XPO4: variants seen among roughly 807,000 people sequenced by gnomAD.
XPO4 encodes the protein exportin 4.
XPO4 carries 39 observed loss-of-function variants against 143.0 expected under a neutral mutation model. The observed-to-expected ratio is 0.27, with a 90% CI of 0.21 to 0.36. The LOEUF (loss-of-function observed/expected upper bound fraction) is 0.36, where lower values mean the gene tolerates loss of function less well. Ranked by LOEUF, XPO4 falls within the 10% of genes least tolerant of loss-of-function variation. XPO4 has a pLI of 1.00. For synonymous variants in XPO4, 439 were observed against 474.0 expected, an observed-to-expected ratio of 0.93 and a Z score of 0.96; for missense variants, 907 against 1,348.0, an observed-to-expected ratio of 0.67 and a Z score of 5.12.
In XPO4 at chr13:20,779,916, C is replaced by T. The variant is rs1244165906; in HGVS notation, c.*3806G>A. Reference sequence around the variant, plus strand: ...AGCTCAGCAATATGCCTAATTTGGACATTTTAATTTTAGAAAACCAATTTT... The same window carrying T: ...AGCTCAGCAATATGCCTAATTTGGATATTTTAATTTTAGAAAACCAATTTT... On this transcript the variant is annotated 3_prime_UTR_variant, in exon 23 of 23. Coordinates refer to ENST00000255305, the MANE Select transcript of XPO4 (RefSeq NM_022459.5). 2 of 152,526 alleles carry T rather than the reference C, an allele frequency of 1.3e-5. No individual in the cohort carries two copies. The highest frequency in any genetic ancestry group is 4.8e-5 in the African/African-American group (2 of 41,438). 9.4% of individuals were successfully genotyped at this position (152,526 alleles called of 1,614,324 possible).
At chr13:20,830,860 A>G (rs895193263) in intron 6 of XPO4, among the ~76,000 whole-genome samples, 1 of 152,128 alleles carries the variant, frequency 6.6e-6, no homozygotes, top group African/African-American at 2.4e-5. Context: ...GTTTAATATT[A>G]CCTAAAATAT....
intron 1 of XPO4, among the ~76,000 whole-genome samples, chr13:20,876,425 A>G (rs2060354384): frequency 6.6e-6 from 1 of 151,152 alleles, no homozygotes; most frequent in South Asian, 2.1e-4. Flanking sequence ...TGACAAATCA[A>G]TGAGAAAAAA....
At chr13:20,806,654 G>C (rs2059510668) in intron 13 of XPO4, among the ~76,000 whole-genome samples, 1 of 138,980 alleles carries the variant, frequency 7.2e-6, no homozygotes, top group African/African-American at 2.7e-5. Flanking sequence ...CTGGGTTCAA[G>C]CGATTCTCCT....
At chr13:20,890,906 G>A (rs2060508358) in intron 1 of XPO4, among the ~76,000 whole-genome samples, 1 of 151,222 alleles carries the variant, frequency 6.6e-6, no homozygotes, top group Admixed American at 6.6e-5. Context: ...TCAGGAGTTT[G>A]AGACCAGCCT....
chr13:20,790,362 A>G (rs2059265094), intron 19 of XPO4, 100 bp downstream of exon 19: 1 of 939,932 alleles, frequency 1.1e-6, no homozygotes, highest in Non-Finnish European at 1.7e-6. Context: ...CACTTAGCAG[A>G]TACAACTACT....
intron 13 of XPO4, among the ~76,000 whole-genome samples, chr13:20,805,093 G>A (rs879421836): frequency 9.9e-5 from 15 of 151,840 alleles, no homozygotes; most frequent in Middle Eastern, 3.4e-3. Flanking sequence ...TACAGGAGGC[G>A]AGCACCACCA....
chr13:20,824,980 G>C (rs1264698926), intron 7 of XPO4, among the ~76,000 whole-genome samples: 1 of 152,206 alleles, frequency 6.6e-6, no homozygotes, highest in Non-Finnish European at 1.5e-5. Flanking sequence ...CTGGGAACCG[G>C]TGCCTGAAGT....
chr13:20,834,792 C>A (rs559436318), intron 6 of XPO4, among the ~76,000 whole-genome samples: 1 of 151,932 alleles, frequency 6.6e-6, no homozygotes, highest in African/African-American at 2.4e-5. Flanking sequence ...GGGATCCTGC[C>A]CTACAAAAAA....
At chr13:20,812,571 A>G (rs1371688215) in intron 9 of XPO4, among the ~76,000 whole-genome samples, 1 of 152,240 alleles carries the variant, frequency 6.6e-6, no homozygotes, top group African/African-American at 2.4e-5. Flanking sequence ...AAGATGAGGA[A>G]CACTTGTTCA....
intron 2 of XPO4, among the ~76,000 whole-genome samples, chr13:20,866,812 T>C (rs1946058652): frequency 6.6e-6 from 1 of 152,188 alleles, no homozygotes; most frequent in Non-Finnish European, 1.5e-5. Flanking sequence ...AAAATATACA[T>C]ATTCTAAAAA....
In XPO4 at chr13:20,781,903, C is replaced by T. The variant is rs2059148280; in HGVS notation, c.*1819G>A. 1 of 151,870 alleles carries T rather than the reference C, an allele frequency of 6.6e-6. No homozygotes were observed. The highest frequency in any genetic ancestry group is 1.5e-5 in the Non-Finnish European group (1 of 67,954). The allele number at this position is 151,870 out of a possible 1,614,324, so 9.4% of individuals were successfully genotyped here. On this transcript the variant is annotated 3_prime_UTR_variant, in exon 23 of 23. Transcript: ENST00000255305. ...GTTTTTTAAGGGGAAAAAAAAAACA[C>T]CTAAAAATAAATGCATCAAAGTATT...
intron 11 of XPO4, among the ~76,000 whole-genome samples, chr13:20,808,803 A>G (rs1006450006): frequency 2.6e-5 from 4 of 152,252 alleles, no homozygotes; most frequent in African/African-American, 7.2e-5. Flanking sequence ...AAGGTTTACA[A>G]CAGGCATTTG....
At chr13:20,852,121 A>G in intron 4 of XPO4, 1 of 985,448 alleles carries the variant, frequency 1.0e-6, no homozygotes, top group Non-Finnish European at 1.2e-6. Flanking sequence ...TTCTACCCCA[A>G]TACCAAAATC....
At chr13:20,859,794 A>T in intron 3 of XPO4, 1 of 917,418 alleles carries the variant, frequency 1.1e-6, no homozygotes, top group Non-Finnish European at 1.3e-6. Flanking sequence ...TTAAAAAAAA[A>T]AAAAGAACAA....
rs2059457552 is a variant in XPO4, at chr13:20,803,140, TTTC to T, written c.1818-2153_1818-2151del. On this transcript the variant is annotated intron_variant, in intron 13 of 22. Coordinates refer to ENST00000255305, the MANE Select transcript of XPO4 (RefSeq NM_022459.5). This position sits in a 1 kb window ranked among gnomAD's most constrained non-coding sequence, Gnocchi z 4.1. ...TCGCAGAGTACCCCAATTATTTGAA[TTTC>T]TTCCAAGTTATACACCAAAAATCAC... 6.6e-6 allele frequency among the ~76,000 whole-genome samples: 1 copy of T among 152,194 alleles called. No individual in the cohort carries two copies. The highest frequency in any genetic ancestry group is 2.1e-4 in the South Asian group (1 of 4,828).
At chr13:20,789,737 CCTT>C (rs1306410725) in intron 19 of XPO4, among the ~76,000 whole-genome samples, 3 of 151,618 alleles carry the variant, frequency 2.0e-5, no homozygotes, top group Non-Finnish European at 3.0e-5. Context: ...TCCTCCTACT[CCTT>C]GTCTTTATCT....
Position 20,848,504 on chromosome 13 carries a change from A to C in XPO4, c.457-4618T>G, listed in dbSNP as rs917808526. Reference sequence around the variant, plus strand: ...ATACCATGTAATTACACCAGGTTACAAGAAGGTAAAGTAGCAGCTGTATTT... The same window carrying C: ...ATACCATGTAATTACACCAGGTTACCAGAAGGTAAAGTAGCAGCTGTATTT... On this transcript the variant is annotated intron_variant, in intron 4 of 22. Coordinates refer to ENST00000255305, the MANE Select transcript of XPO4 (RefSeq NM_022459.5). 3 of 985,332 alleles carry C rather than the reference A, an allele frequency of 3.0e-6. No homozygotes were observed. The African/African-American group carries it at 5.2e-5, about 17-fold the overall frequency. The allele number at this position is 985,332 out of a possible 1,614,324, so 61.0% of individuals were successfully genotyped here.
intron 13 of XPO4, 57 bp from the exon 14 acceptor site, chr13:20,801,047 C>A: frequency 6.3e-7 from 1 of 1,580,334 alleles, no homozygotes; most frequent in South Asian, 1.2e-5. Context: ...GCTGTCTAAT[C>A]ATATTTTTTT....
chr13:20,833,662 G>GA (rs1404729333), intron 6 of XPO4, among the ~76,000 whole-genome samples: 1 of 151,352 alleles, frequency 6.6e-6, no homozygotes, highest in Non-Finnish European at 1.5e-5. Flanking sequence ...TCTAAGGAAT[G>GA]AAAAATTACA....
Sources: allele counts gnomAD v4.1 joint callset (sites outside exome capture counted in the v4.1 genomes callset), GRCh38; gene constraint gnomAD v4.1.1; non-coding constraint Gnocchi (gnomAD v3.1); transcripts MANE v1.5; gene names NCBI Gene and HGNC (gene_info 2026-07-23, HGNC 2026-07-21).